EXT2: variants seen among roughly 807,000 people sequenced by gnomAD.
The protein encoded by EXT2 is exostosin-2.
Under a neutral mutation model 81.6 loss-of-function variants are expected in EXT2, and 53 were observed. The ratio of observed to expected loss-of-function variants is 0.65; its 90% CI spans 0.52 to 0.82. The LOEUF is 0.82. Ranked by LOEUF, EXT2 falls within the 40% of genes least tolerant of loss-of-function variation. The pLI is 0.00. For synonymous variants in EXT2, 320 were observed against 340.0 expected, an observed-to-expected ratio of 0.94 and a Z score of 0.65; for missense variants, 774 against 910.2, an observed-to-expected ratio of 0.85 and a Z score of 1.93.
At chr11:44,111,123 AG>A (rs1954136560) in intron 3 of EXT2, among the ~76,000 whole-genome samples, 1 of 152,214 alleles carries the variant, frequency 6.6e-6, no homozygotes, top group Admixed American at 6.5e-5. Context: ...AAAGTTCAAA[AG>A]CATAGGTGTG....
At chr11:44,119,631 T>C (rs1200323739) in intron 4 of EXT2, among the ~76,000 whole-genome samples, 1 of 152,228 alleles carries the variant, frequency 6.6e-6, no homozygotes, top group Non-Finnish European at 1.5e-5. Context: ...GCAGTTTGGA[T>C]ACAGTGAGCC....
chr11:44,143,780 A>G (rs924260580), intron 7 of EXT2, among the ~76,000 whole-genome samples: 4 of 152,176 alleles, frequency 2.6e-5, no homozygotes, highest in African/African-American at 9.7e-5. Flanking sequence ...GTGTAGTAAT[A>G]ATAGTGGACA....
intron 7 of EXT2, among the ~76,000 whole-genome samples, chr11:44,150,808 A>G (rs1954782307): frequency 6.6e-6 from 1 of 152,198 alleles, no homozygotes; most frequent in Admixed American, 6.5e-5. Context: ...CAGACCTATT[A>G]TACAACAGCT....
intron 9 of EXT2, among the ~76,000 whole-genome samples, chr11:44,203,520 A>G (rs922708973): frequency 2.0e-5 from 3 of 152,154 alleles, no homozygotes; most frequent in South Asian, 2.1e-4. Flanking sequence ...GAAACTGGCT[A>G]GGGCTTTAGT....
At chr11:44,171,502 A>G in intron 7 of EXT2, 109 bp from the exon 8 acceptor site, 3 of 1,559,570 alleles carry the variant, frequency 1.9e-6, no homozygotes, top group South Asian at 2.2e-5. Flanking sequence ...CATCCCTACA[A>G]CTTTGGGAAT....
chr11:44,234,852 A>G (rs1014350644), intron 12 of EXT2, among the ~76,000 whole-genome samples: 6 of 152,214 alleles, frequency 3.9e-5, no homozygotes, highest in African/African-American at 1.4e-4. Context: ...TAGAGAAGGT[A>G]CACTTCTTTA....
Position 44,246,827 on chromosome 11 carries a change from G to A in EXT2, c.*2540G>A, listed in dbSNP as rs943288529. Among the ~76,000 whole-genome samples, 1 of 152,214 alleles carries A rather than the reference G, an allele frequency of 6.6e-6. No individual in the cohort carries two copies. The highest frequency in any genetic ancestry group is 6.5e-5 in the Admixed American group (1 of 15,284). ...TTAGGTCAGGATCATCTGTCCTCGG[G>A]ATGCCATAGAGCCTGGTTTCAGAAG... On this transcript the variant is annotated 3_prime_UTR_variant, in exon 14 of 14. Coordinates refer to ENST00000533608, the MANE Select transcript of EXT2 (RefSeq NM_207122.2).
chr11:44,174,819 GA>G (rs1955134225), intron 8 of EXT2, among the ~76,000 whole-genome samples: 1 of 152,164 alleles, frequency 6.6e-6, no homozygotes, highest in South Asian at 2.1e-4. Flanking sequence ...GAGAAAGGAA[GA>G]AAAATTCCAT....
intron 10 of EXT2, among the ~76,000 whole-genome samples, chr11:44,221,812 A>G (rs577336220): frequency 4.7e-4 from 71 of 152,202 alleles, no homozygotes; most frequent in Non-Finnish European, 8.5e-4. Context: ...GCACCCATTC[A>G]TTGCAAAATT....
rs553171165 is a variant in EXT2 at position 44,104,350 on chromosome 11, A to C, written c.-30-3333A>C. ...CTTTATTTAAAATATCCATATACAC[A>C]CATATATATATCTGTCTATATTGGG... On this transcript the variant is annotated intron_variant, in intron 1 of 13. Transcript: ENST00000533608. Among the ~76,000 whole-genome samples the C allele has an allele frequency of 2.0e-5, 3 of 152,146 alleles. No individual in the cohort carries two copies. In the South Asian group the frequency reaches 6.2e-4, roughly 32 times the overall value.
At chr11:44,103,740 CT>C in intron 1 of EXT2, 1 of 386,098 alleles carries the variant, frequency 2.6e-6, no homozygotes, top group Non-Finnish European at 5.0e-6. Flanking sequence ...CCTTGAGATG[CT>C]TTTGGTAAGT....
intron 8 of EXT2, among the ~76,000 whole-genome samples, chr11:44,181,639 GT>G (rs1955237622): frequency 6.6e-6 from 1 of 151,958 alleles, no homozygotes; most frequent in African/African-American, 2.4e-5. Context: ...AAATCTGAGA[GT>G]TTTTTTCCTG....
chr11:44,192,093 C>G (rs1379567306), intron 8 of EXT2, among the ~76,000 whole-genome samples: 1 of 152,238 alleles, frequency 6.6e-6, no homozygotes, highest in Non-Finnish European at 1.5e-5. Context: ...CTGAGTTCCT[C>G]TCATTTCTGC....
chr11:44,102,579 G>A (rs1033394777), intron 1 of EXT2, among the ~76,000 whole-genome samples: 3 of 149,070 alleles, frequency 2.0e-5, no homozygotes, highest in Non-Finnish European at 4.4e-5. Flanking sequence ...GGTATGAGGG[G>A]AGTCAAACTA....
At chr11:44,167,094 C>A (rs889586416) in intron 7 of EXT2, among the ~76,000 whole-genome samples, 2 of 152,136 alleles carry the variant, frequency 1.3e-5, no homozygotes, top group African/African-American at 4.8e-5. Context: ...CTTGCCAATT[C>A]TCTATCCAAG....
chr11:44,109,357 A>G lies in EXT2; in HGVS notation c.626+74A>G. On this transcript the variant is annotated intron_variant, in intron 3 of 13. Coordinates refer to ENST00000533608, the MANE Select transcript of EXT2 (RefSeq NM_207122.2). ...TGTTCATGTGAAATTATATTCCTAA[A>G]TCTACCACATACTTTGTAATCAGAA... The G allele has an allele frequency of 4.1e-6, 5 of 1,207,290 alleles. No individual in the cohort carries two copies. The Middle Eastern group carries it at 5.8e-4, about 141-fold the overall frequency. 74.8% of individuals were successfully genotyped at this position (1,207,290 alleles called of 1,614,324 possible).
intron 10 of EXT2, among the ~76,000 whole-genome samples, chr11:44,228,883 C>A (rs1590663759): frequency 6.6e-6 from 1 of 152,242 alleles, no homozygotes; most frequent in South Asian, 2.1e-4. Flanking sequence ...AAAAGTGGGG[C>A]TTGTAAAGAA....
chr11:44,109,887 A>T lies in EXT2; in HGVS notation c.626+604A>T, dbSNP rs77358496. Among the ~76,000 whole-genome samples, 626 of 152,258 alleles carry T rather than the reference A, an allele frequency of 4.1e-3. 6 individuals carry two copies. The highest frequency in any genetic ancestry group is 0.014 in the African/African-American group (601 of 41,544). On this transcript the variant is annotated intron_variant, in intron 3 of 13. Coordinates refer to ENST00000533608, the MANE Select transcript of EXT2 (RefSeq NM_207122.2). ...GACTTTGAGTTCACTCACTGTATTT[A>T]TCTGCCCTTTCATCACTGACTGAAA...
chr11:44,101,949 A>AAAAG (rs1953989468), intron 1 of EXT2, among the ~76,000 whole-genome samples: 1 of 151,050 alleles, frequency 6.6e-6, no homozygotes, highest in African/African-American at 2.5e-5. Flanking sequence ...ATCAGTAAAA[A>AAAAG]AAAAAAAAAA....
Sources: allele counts gnomAD v4.1 joint callset (sites outside exome capture counted in the v4.1 genomes callset), GRCh38; gene constraint gnomAD v4.1.1; transcripts MANE v1.5; gene names NCBI Gene and HGNC (gene_info 2026-07-23, HGNC 2026-07-21).